The following CDH18 variants were observed in gnomAD, a reference collection of about 807,000 sequenced individuals.
CDH18 encodes the protein cadherin-18.
In CDH18, 31 loss-of-function variants were observed where a neutral mutation model predicts 67.9. The observed-to-expected ratio is 0.46, with a 90% CI of 0.34 to 0.62. The LOEUF (loss-of-function observed/expected upper bound fraction) is 0.62, where lower values mean the gene tolerates loss of function less well. Among genes scored for constraint, CDH18 ranks in the 20% least tolerant of loss-of-function variants. CDH18 has a pLI of 0.01. For synonymous variants in CDH18, 362 were observed against 347.2 expected (o/e 1.04, Z -0.48); for missense variants, 890 against 975.5 (o/e 0.91, Z 1.17).
intron 1 of CDH18, among the ~76,000 whole-genome samples, chr5:20,333,405 G>A (rs143339671): frequency 0.053 from 8,063 of 151,242 alleles, 686 homozygotes; most frequent in African/African-American, 0.18. Context: ...TACTTGGGAG[G>A]CTGAGGGAGG....
chr5:19,671,057 G>C (rs1246847547), intron 5 of CDH18, among the ~76,000 whole-genome samples: 1 of 152,082 alleles, frequency 6.6e-6, no homozygotes. Context: ...GTAGAGATAA[G>C]TAGTAAGCAC....
Position 19,472,046 on chromosome 5 carries a change from CTG to C in CDH18, c.*1178_*1179del, listed in dbSNP as rs1384560999. The stretch of plus-strand genomic sequence containing the variant: ...TCGGAAACATATCTGAGGATAATAA[CTG>C]TGAATCTCCTTTTTTGCTCCTAGTC... On this transcript the variant is annotated 3_prime_UTR_variant, in exon 13 of 13. Transcript: ENST00000382275. 6.6e-6 allele frequency among the ~76,000 whole-genome samples: 1 copy of C among 152,088 alleles called. No individual in the cohort carries two copies. The highest frequency in any genetic ancestry group is 1.5e-5 in the Non-Finnish European group (1 of 68,020).
chr5:19,845,713 G>T (rs1238743712), intron 2 of CDH18, among the ~76,000 whole-genome samples: 2 of 149,118 alleles, frequency 1.3e-5, no homozygotes, highest in African/African-American at 5.1e-5. Flanking sequence ...ATTTATAATT[G>T]TTTTTTTTCT....
intron 2 of CDH18, among the ~76,000 whole-genome samples, chr5:20,125,721 C>A (rs1304935868): frequency 1.3e-5 from 2 of 152,054 alleles, no homozygotes; most frequent in African/African-American, 2.4e-5. Context: ...AATTACAAGG[C>A]CAAACTTTGA....
intron 7 of CDH18, 77 bp downstream of exon 7, chr5:19,590,980 A>G: frequency 1.2e-6 from 1 of 817,292 alleles, no homozygotes; most frequent in Non-Finnish European, 2.0e-6. Context: ...AGCGTGGATT[A>G]TTCATGCCTC....
intron 5 of CDH18, among the ~76,000 whole-genome samples, chr5:19,623,514 C>T (rs1225778477): frequency 6.6e-6 from 1 of 152,146 alleles, no homozygotes; most frequent in African/African-American, 2.4e-5. Flanking sequence ...AAATTGCAAA[C>T]CCATATGAGA....
chr5:20,122,925 C>T (rs775476404), intron 2 of CDH18, among the ~76,000 whole-genome samples: 1 of 147,892 alleles, frequency 6.8e-6, no homozygotes, highest in Non-Finnish European at 1.5e-5. Flanking sequence ...AGTCTTTCAT[C>T]ATTATACAAT....
chr5:19,807,397 A>C (rs1371290362), intron 3 of CDH18, among the ~76,000 whole-genome samples: 1 of 152,244 alleles, frequency 6.6e-6, no homozygotes, highest in Non-Finnish European at 1.5e-5. Context: ...TCATTGACTG[A>C]AACACCATTA....
intron 2 of CDH18, among the ~76,000 whole-genome samples, chr5:20,131,033 T>A (rs958175103): frequency 6.6e-6 from 1 of 152,072 alleles, no homozygotes; most frequent in Admixed American, 6.6e-5. Context: ...AACTAATTAC[T>A]TCAAAACAAA....
intron 1 of CDH18, among the ~76,000 whole-genome samples, chr5:20,490,005 GA>G (rs1291349996): frequency 6.6e-6 from 1 of 151,106 alleles, no homozygotes; most frequent in Non-Finnish European, 1.5e-5. Context: ...CATCTTATCT[GA>G]TAGGGTTTTA....
intron 2 of CDH18, among the ~76,000 whole-genome samples, chr5:20,097,937 C>T (rs1406033778): frequency 6.6e-6 from 1 of 151,988 alleles, no homozygotes; most frequent in Non-Finnish European, 1.5e-5. Context: ...TGTGGAATCA[C>T]TTGTCACTTA....
intron 5 of CDH18, among the ~76,000 whole-genome samples, chr5:19,623,085 C>T (rs972780861): frequency 4.6e-5 from 7 of 152,202 alleles, no homozygotes; most frequent in African/African-American, 1.7e-4. Flanking sequence ...CACTGTCTCT[C>T]TCCAGAAATG....
chr5:19,903,551 AT>A (rs1790172508), intron 2 of CDH18, among the ~76,000 whole-genome samples: 1 of 138,452 alleles, frequency 7.2e-6, no homozygotes, highest in African/African-American at 2.9e-5. Flanking sequence ...GTATATATAT[AT>A]ATATATATAT....
chr5:20,178,592 CTTT>C (rs111364657), intron 2 of CDH18, among the ~76,000 whole-genome samples: 4 of 142,580 alleles, frequency 2.8e-5, no homozygotes, highest in African/African-American at 7.6e-5. Flanking sequence ...TTCTTTCTTT[CTTT>C]TTTTTTTTGT....
At chr5:20,485,968 A>G (rs900583605) in intron 1 of CDH18, among the ~76,000 whole-genome samples, 1 of 152,210 alleles carries the variant, frequency 6.6e-6, no homozygotes, top group Non-Finnish European at 1.5e-5. Context: ...CCATGGGGTC[A>G]TGTGGGCTTC....
chr5:19,487,696 T>C (rs1409696060), intron 11 of CDH18, among the ~76,000 whole-genome samples: 1 of 152,208 alleles, frequency 6.6e-6, no homozygotes, highest in Non-Finnish European at 1.5e-5. Context: ...TTATTTATTT[T>C]GTTATGTGAT....
chr5:20,185,891 T>C (rs1468562753), intron 2 of CDH18, among the ~76,000 whole-genome samples: 1 of 151,780 alleles, frequency 6.6e-6, no homozygotes, highest in Non-Finnish European at 1.5e-5. Context: ...TGATGCATAG[T>C]GTCTGGAAGA....
chr5:20,382,409 A>T (rs1743982091), intron 1 of CDH18, among the ~76,000 whole-genome samples: 1 of 152,116 alleles, frequency 6.6e-6, no homozygotes, highest in African/African-American at 2.4e-5. Context: ...TTAACTGCAG[A>T]AGAGTGGTAT....
At chr5:19,571,886 C>A in intron 7 of CDH18, 54 bp from the exon 8 acceptor site, 1 of 1,374,104 alleles carries the variant, frequency 7.3e-7, no homozygotes, top group Non-Finnish European at 1.0e-6. Context: ...CATATTATGA[C>A]TTTCATTACT....
Sources: allele counts gnomAD v4.1 joint callset (sites outside exome capture counted in the v4.1 genomes callset), GRCh38; gene constraint gnomAD v4.1.1; transcripts MANE v1.5; gene names NCBI Gene and HGNC (gene_info 2026-07-23, HGNC 2026-07-21).